The following TEX2 variants were observed in gnomAD, a reference collection of about 807,000 sequenced individuals.
TEX2 encodes the protein testis expressed 2, also known as testis-expressed protein 2.
In TEX2, 53 loss-of-function variants were observed where a neutral mutation model predicts 106.9. That is an observed-to-expected ratio of 0.50 (90% CI 0.40 to 0.62). The LOEUF (loss-of-function observed/expected upper bound fraction) is 0.62. Ranked by LOEUF, TEX2 falls within the 20% of genes least tolerant of loss-of-function variation. The pLI, the probability that TEX2 is intolerant of heterozygous loss-of-function variation, is 0.00. For synonymous variants in TEX2, 523 were observed against 534.8 expected (o/e 0.98, Z 0.30); for missense variants, 1,207 against 1,379.0 (o/e 0.88, Z 1.98).
At chr17:64,200,039 T>G (rs2143946705) in intron 2 of TEX2, among the ~76,000 whole-genome samples, 1 of 152,356 alleles carries the variant, frequency 6.6e-6, no homozygotes, top group Admixed American at 6.5e-5. Flanking sequence ...TAATGAAATC[T>G]ATTGTAGAAA....
intron 8 of TEX2, among the ~76,000 whole-genome samples, chr17:64,159,269 G>A (rs916526686): frequency 7.2e-5 from 11 of 152,162 alleles, no homozygotes; most frequent in Non-Finnish European, 1.5e-4. Flanking sequence ...TTGCACAAAC[G>A]CATCTGCCTG....
intron 2 of TEX2, among the ~76,000 whole-genome samples, chr17:64,197,609 A>G (rs2032516783): frequency 6.6e-6 from 1 of 152,158 alleles, no homozygotes; most frequent in South Asian, 2.1e-4. Context: ...TCCTGGCTGT[A>G]CTGCAGTGGC....
intron 7 of TEX2, among the ~76,000 whole-genome samples, chr17:64,163,779 G>T (rs1262232852): frequency 6.6e-6 from 1 of 152,108 alleles, no homozygotes; most frequent in African/African-American, 2.4e-5. Flanking sequence ...GAGCACACGG[G>T]GACATACACT....
chr17:64,219,959 G>T (rs1219242986), intron 1 of TEX2, among the ~76,000 whole-genome samples: 3 of 152,214 alleles, frequency 2.0e-5, no homozygotes, highest in Non-Finnish European at 4.4e-5. Context: ...TGGATTGCCT[G>T]GGTGGGCCCA....
Position 64,242,767 on chromosome 17 carries a change from G to A in TEX2, c.-26+20401C>T, listed in dbSNP as rs1214354310. The stretch of plus-strand genomic sequence containing the variant: ...ATTGTGTTACACATAATACAGGCAC[G>A]CAATGCCTCCTTCATAACTAATGTA... On this transcript the variant is annotated intron_variant, in intron 1 of 11. Transcript: ENST00000584379. 5.9e-5 allele frequency among the ~76,000 whole-genome samples: 9 copies of A among 152,054 alleles called. 1 individual carries two copies. Among genetic ancestry groups the A allele is most frequent in the African/African-American group, 2.2e-4 (9 of 41,376 alleles).
At chr17:64,248,823 T>G (rs782092779) in intron 1 of TEX2, among the ~76,000 whole-genome samples, 1 of 151,894 alleles carries the variant, frequency 6.6e-6, no homozygotes, top group Non-Finnish European at 1.5e-5. Flanking sequence ...TTGCTGGAGG[T>G]CAGGAGTTCG....
rs372604630 is a variant in TEX2 at position 64,212,730 on chromosome 17, A to G, written c.1488T>C (p.Ser496=). 2 of 1,614,148 alleles carry G rather than the reference A, an allele frequency of 1.2e-6. No homozygotes were observed. Among genetic ancestry groups the G allele is most frequent in the East Asian group, 2.2e-5 (1 of 44,880 alleles). ...CAAGGCCAATTCCCAGAAAGAGTCC[A>G]CTCACATAGTGGGGGAGGGGGAGGA... is the stretch of plus-strand genomic sequence containing the variant. The part of the protein sequence containing the change: ...YLILPLPHYV[S]GLFLGIGLGF... Residue 496 remains serine, a synonymous_variant, in exon 2 of 12, where the codon AGT becomes AGC. Coordinates refer to ENST00000584379, the MANE Select transcript of TEX2 (RefSeq NM_001288732.2).
At chr17:64,254,948 A>G (rs1329053646) in intron 1 of TEX2, among the ~76,000 whole-genome samples, 2 of 151,622 alleles carry the variant, frequency 1.3e-5, no homozygotes, top group African/African-American at 4.9e-5. Flanking sequence ...AGCAGCCTTG[A>G]ATTCCCAGGC....
intron 11 of TEX2, chr17:64,150,133 T>C (rs913813004): frequency 2.0e-5 from 3 of 152,178 alleles, no homozygotes; most frequent in African/African-American, 7.2e-5. Flanking sequence ...GTAGGTCTTC[T>C]TCAAAAGGTG....
chr17:64,220,862 A>G (rs567943121), intron 1 of TEX2, among the ~76,000 whole-genome samples: 1 of 152,326 alleles, frequency 6.6e-6, no homozygotes, highest in East Asian at 1.9e-4. Flanking sequence ...TATATACCCA[A>G]AGGAATATAA....
At chr17:64,172,231 T>A (rs952280187) in intron 6 of TEX2, among the ~76,000 whole-genome samples, 2 of 151,628 alleles carry the variant, frequency 1.3e-5, no homozygotes, top group Non-Finnish European at 2.9e-5. Flanking sequence ...CACGTGCCTG[T>A]AGTCCCAGCT....
At chr17:64,189,835 T>C (rs545716657) in intron 4 of TEX2, among the ~76,000 whole-genome samples, 22 of 151,728 alleles carry the variant, frequency 1.4e-4, no homozygotes, top group Non-Finnish European at 2.5e-4. Context: ...TACAAAACAT[T>C]AGCCTGGCAT....
intron 2 of TEX2, among the ~76,000 whole-genome samples, chr17:64,207,955 C>T (rs1188831793): frequency 2.0e-5 from 3 of 152,040 alleles, no homozygotes; most frequent in Non-Finnish European, 4.4e-5. Context: ...AGGATGGTCT[C>T]GATCTCCTGA....
chr17:64,189,995 A>G (rs912571379), intron 4 of TEX2, among the ~76,000 whole-genome samples: 16 of 150,234 alleles, frequency 1.1e-4, no homozygotes, highest in East Asian at 7.7e-4. Context: ...AAAAAAAAAA[A>G]AAAGAAAGAA....
At chr17:64,191,817 C>CAA (rs58376086) in intron 4 of TEX2, among the ~76,000 whole-genome samples, 21 of 119,904 alleles carry the variant, frequency 1.8e-4, no homozygotes, top group East Asian at 6.5e-4. Flanking sequence ...GACTCCATCT[C>CAA]AAAAAAAAAA....
At position 64,244,880 on chromosome 17, in the gene TEX2, G is replaced by A. The variant is rs372280566; in HGVS notation, c.-26+18288C>T. Among the ~76,000 whole-genome samples the A allele has an allele frequency of 3.9e-5, 6 of 152,086 alleles. No individual in the cohort carries two copies. In the South Asian group the frequency reaches 6.2e-4, roughly 16 times the overall value. ...CCCAACCCTGGCTGCTGGACCTGTT[G>A]TGATCACATATCTGTTTCTACAAGC... On this transcript the variant is annotated intron_variant, in intron 1 of 11. Transcript: ENST00000584379.
rs540087802 is a variant in TEX2, at chr17:64,170,978, C to T, written c.2671+122G>A. ...CATGACTGGTAAGAACAGAAAGACA[C>T]TCAACATGAAACAGATGATTTAAAA... On this transcript the variant is annotated intron_variant, in intron 7 of 11. Transcript: ENST00000584379. 3.3e-4 allele frequency: 254 copies of T among 768,722 alleles called. 1 individual carries two copies. Among genetic ancestry groups the T allele is most frequent in the African/African-American group, 1.3e-3 (73 of 57,326 alleles). 47.6% of individuals were successfully genotyped at this position (768,722 alleles called of 1,614,324 possible).
chr17:64,158,308 A>G (rs2030724704), intron 8 of TEX2, among the ~76,000 whole-genome samples: 1 of 152,224 alleles, frequency 6.6e-6, no homozygotes, highest in Non-Finnish European at 1.5e-5. Context: ...CAAAAGCACA[A>G]TCATTTGCAC....
chr17:64,247,333 T>C (rs1308489795), intron 1 of TEX2, among the ~76,000 whole-genome samples: 2 of 149,930 alleles, frequency 1.3e-5, no homozygotes, highest in African/African-American at 2.5e-5. Flanking sequence ...AGAAGAGGAA[T>C]AAAAGAGGCA....
Sources: allele counts gnomAD v4.1 joint callset (sites outside exome capture counted in the v4.1 genomes callset), GRCh38; gene constraint gnomAD v4.1.1; transcripts MANE v1.5; gene names NCBI Gene and HGNC (gene_info 2026-07-23, HGNC 2026-07-21).